RUNX3: variants seen among roughly 807,000 people sequenced by gnomAD.
RUNX3 encodes the protein RUNX family transcription factor 3, also known as runt-related transcription factor 3.
In RUNX3, 10 loss-of-function variants were observed where a neutral mutation model predicts 27.7. The ratio of observed to expected loss-of-function variants is 0.36; its 90% CI spans 0.22 to 0.61. The LOEUF is 0.61. Ranked by LOEUF, RUNX3 falls within the 20% of genes least tolerant of loss-of-function variation. The pLI is 0.72. For missense variants in RUNX3, 469 were observed against 629.5 expected, an observed-to-expected ratio of 0.75 and a Z score of 2.73; for synonymous variants, 270 against 269.2, an observed-to-expected ratio of 1.00 and a Z score of -0.03.
At chr1:24,941,337 C>T (rs1013310045) in intron 2 of RUNX3, among the ~76,000 whole-genome samples, 5 of 152,200 alleles carry the variant, frequency 3.3e-5, no homozygotes, top group Non-Finnish European at 5.9e-5. Context: ...GGGATTTGAA[C>T]CAGCTCTGTC....
intron 2 of RUNX3, among the ~76,000 whole-genome samples, chr1:24,949,599 G>A (rs1641706724): frequency 6.6e-6 from 1 of 152,230 alleles, no homozygotes; most frequent in Non-Finnish European, 1.5e-5. Context: ...CTTCATCACT[G>A]ACTGAACTGT....
chr1:24,919,153 G>T, intron 3 of RUNX3, 87 bp downstream of exon 3: 1 of 772,938 alleles, frequency 1.3e-6, no homozygotes, highest in Non-Finnish European at 2.1e-6. Context: ...CCCGAGGAGG[G>T]CTCCATCTGT....
At chr1:24,933,301 A>C (rs1295199646), upstream of RUNX3, among the ~76,000 whole-genome samples, 1 of 152,092 alleles carries the variant, frequency 6.6e-6, no homozygotes, top group Non-Finnish European at 1.5e-5. Context: ...CATTTCTTTC[A>C]TTTGTAAAGT....
intron 3 of RUNX3, among the ~76,000 whole-genome samples, chr1:24,913,251 G>A (rs1640828156): frequency 6.6e-6 from 1 of 152,250 alleles, no homozygotes; most frequent in African/African-American, 2.4e-5. Context: ...GCTCAGATCA[G>A]ACAGCTCCTC....
intron 3 of RUNX3, among the ~76,000 whole-genome samples, chr1:24,917,075 G>T (rs1640904066): frequency 6.6e-6 from 1 of 152,194 alleles, no homozygotes; most frequent in Non-Finnish European, 1.5e-5. Flanking sequence ...GCTCTGGGGT[G>T]GGCTGGGCTG....
chr1:24,964,250 C>T (rs1490820198), intron 2 of RUNX3, among the ~76,000 whole-genome samples: 2 of 152,232 alleles, frequency 1.3e-5, no homozygotes, highest in Non-Finnish European at 2.9e-5. Context: ...GAGGGCTGCC[C>T]TTTGAGGTCT....
rs1019441873 is a variant in RUNX3 at position 24,962,628 on chromosome 1, A to C, written c.58+1886T>G. On this transcript the variant is annotated intron_variant, in intron 2 of 6. Coordinates refer to the RUNX3 transcript ENST00000338888. This position sits in a 1 kb window ranked among gnomAD's most constrained non-coding sequence, Gnocchi z 4.5. ...AAAGTGGAGGGAAGGCCCTCGGGCC[A>C]CAGACCCCAGATCCAAACATCTCCA... 2.0e-5 allele frequency among the ~76,000 whole-genome samples: 3 copies of C among 152,228 alleles called. No individual in the cohort carries two copies. The highest frequency in any genetic ancestry group is 6.5e-5 in the Admixed American group (1 of 15,290).
chr1:24,939,518 G>A (rs747846731), intron 2 of RUNX3, among the ~76,000 whole-genome samples: 28 of 152,390 alleles, frequency 1.8e-4, no homozygotes, highest in Admixed American at 1.4e-3. Context: ...CATCACAGCT[G>A]TGTAAACAGC....
rs965874815 is a variant in RUNX3 at position 24,943,432 on chromosome 1, T to C, written c.59-13580A>G. On this transcript the variant is annotated intron_variant, in intron 2 of 6. Coordinates refer to the RUNX3 transcript ENST00000338888. The surrounding 1 kb of genome is among the most constrained non-coding windows in gnomAD (Gnocchi z 4.6). ...CGGTGCCAGGCACGGTTCTGAGAAC[T>C]CACACAGCTTAACTCTTCATCCTTG... Among the ~76,000 whole-genome samples the C allele has an allele frequency of 7.9e-5, 12 of 152,204 alleles. No homozygotes were observed. Among genetic ancestry groups the C allele is most frequent in the Admixed American group, 4.6e-4 (7 of 15,288 alleles).
intron 2 of RUNX3, among the ~76,000 whole-genome samples, chr1:24,953,722 G>T (rs1436313897): frequency 6.6e-6 from 1 of 152,164 alleles, no homozygotes; most frequent in Non-Finnish European, 1.5e-5. Flanking sequence ...AATCTGAAAT[G>T]CTCCAAAATC....
chr1:24,952,331 A>G (rs1387409352), intron 2 of RUNX3, among the ~76,000 whole-genome samples: 2 of 152,134 alleles, frequency 1.3e-5, no homozygotes, highest in Admixed American at 6.5e-5. Context: ...GCATCATCTC[A>G]CCCCAAGAGA....
At chr1:24,954,738 A>G (rs1490608101) in intron 2 of RUNX3, among the ~76,000 whole-genome samples, 5 of 152,192 alleles carry the variant, frequency 3.3e-5, no homozygotes, top group Non-Finnish European at 7.3e-5. Flanking sequence ...GCCTCAGAGC[A>G]AGTGTGCTTC....
chr1:24,929,681 G>C lies in RUNX3; in HGVS notation c.188C>G (p.Ala63Gly). The change falls in exon 1 of 5, where the codon GCA (alanine) becomes GGA (glycine). Residue 63 changes from alanine (A) to glycine (G), a missense_variant. Transcript: ENST00000308873. Reference sequence around the variant, plus strand: ...GCTGTCGGTGCGCACGAGCTCGCCTGCGTGGTCCGCCAGCACGTCCACCAT... The same window carrying C: ...GCTGTCGGTGCGCACGAGCTCGCCTCCGTGGTCCGCCAGCACGTCCACCAT... ...RSMVDVLADH[A>G]GELVRTDSPN... 1 of 1,587,058 alleles carries C rather than the reference G, an allele frequency of 6.3e-7. No homozygotes were observed. The highest frequency in any genetic ancestry group is 8.5e-7 in the Non-Finnish European group (1 of 1,172,498).
Position 24,907,301 on chromosome 1 carries a change from TGCTGAGTGAGCCTCGGGG to T in RUNX3, c.643_660del (p.Pro215_Ser220del). On this transcript the variant is annotated inframe_deletion, in exon 4 of 5. Transcript: ENST00000308873. ...GGCTGGCTGCTGAAGTGGCTTGTGG[TGCTGAGTGAGCCTCGGGG>T]GCTGGGTGTGCTCGGTGTCACCCGC... 1 of 1,611,546 alleles carries T rather than the reference TGCTGAGTGAGCCTCGGGG, an allele frequency of 6.2e-7. No homozygotes were observed. Among genetic ancestry groups the T allele is most frequent in the Non-Finnish European group, 8.5e-7 (1 of 1,179,940 alleles).
At chr1:24,910,296 A>G (rs1640772272) in intron 3 of RUNX3, among the ~76,000 whole-genome samples, 2 of 151,906 alleles carry the variant, frequency 1.3e-5, no homozygotes, top group East Asian at 1.9e-4. Context: ...CTCAAAAAAA[A>G]AAAAAAAAAA....
At chr1:24,932,322 CGGCGGGGGGAGGGGG>C (rs1191625013), upstream of RUNX3, among the ~76,000 whole-genome samples, 2 of 8,368 alleles carry the variant, frequency 2.4e-4, no homozygotes, top group African/African-American at 1.0e-3. Context: ...GGGACCAGGG[CGGCGGGGGGAGGGGG>C]GGCGGGTGCA....
In RUNX3 at chr1:24,943,082, C is replaced by T. The variant is rs749991051; in HGVS notation, c.59-13230G>A. Among the ~76,000 whole-genome samples, 6 of 152,254 alleles carry T rather than the reference C, an allele frequency of 3.9e-5. No homozygotes were observed. The highest frequency in any genetic ancestry group is 1.9e-4 in the East Asian group (1 of 5,198). ...GGAACAAGGTGGCAGCACCGGGAGCCGAGCCGGGTGTCATTGATCTTGCCC... is the reference window on the plus strand; with the variant it reads ...GGAACAAGGTGGCAGCACCGGGAGCTGAGCCGGGTGTCATTGATCTTGCCC... On this transcript the variant is annotated intron_variant, in intron 2 of 6. Transcript: ENST00000338888. The surrounding 1 kb of genome is among the most constrained non-coding windows in gnomAD (Gnocchi z 4.6).
In RUNX3 at chr1:24,929,638, G is replaced by A. The variant is rs765326218; in HGVS notation, c.231C>T (p.Ser77=). The change falls in exon 1 of 5, where the codon TCC becomes TCT. Residue 77 remains serine, a synonymous_variant. Coordinates refer to ENST00000308873, the MANE Select transcript of RUNX3 (RefSeq NM_004350.3). The part of the protein sequence containing the change: ...VRTDSPNFLC[S]VLPSHWRCNK... ...TGCAGCGCCAGTGCGAGGGCAGCAC[G>A]GAGCAGAGGAAGTTGGGGCTGTCGG... 3 of 1,607,394 alleles carry A rather than the reference G, an allele frequency of 1.9e-6. No individual in the cohort carries two copies. The highest frequency in any genetic ancestry group is 2.7e-5 in the African/African-American group (2 of 74,502).
chr1:24,964,368 C>A, intron 2 of RUNX3: 2 of 686,052 alleles, frequency 2.9e-6, no homozygotes, highest in South Asian at 1.6e-5. Context: ...ACCACCAACC[C>A]CTCTTCCCAC....
Sources: gnomAD v4.1 joint callset for allele counts (sites outside exome capture counted in the v4.1 genomes callset) on GRCh38, gnomAD v4.1.1 for gene constraint, Gnocchi (gnomAD v3.1) non-coding constraint, MANE v1.5 for transcripts, NCBI Gene and HGNC (gene_info 2026-07-23, HGNC 2026-07-21) for gene names.